Variants in MTA3 observed in about 807,000 individuals in gnomAD.
The protein encoded by MTA3 is metastasis associated 1 family member 3.
A neutral mutation model predicts 83.5 loss-of-function variants in MTA3; 34 were observed. That is an observed-to-expected ratio of 0.41 (90% confidence interval 0.31 to 0.54). The LOEUF (loss-of-function observed/expected upper bound fraction) is 0.54. Ranked by LOEUF, MTA3 falls within the 20% of genes least tolerant of loss-of-function variation. The pLI is 0.33. For missense variants in MTA3, 761 were observed against 726.4 expected, an observed-to-expected ratio of 1.05 and a Z score of -0.55; for synonymous variants, 303 against 252.7, an observed-to-expected ratio of 1.20 and a Z score of -1.89.
chr2:42,685,515 C>T (rs1403021845), intron 9 of MTA3, among the ~76,000 whole-genome samples: 1 of 152,220 alleles, frequency 6.6e-6, no homozygotes, highest in South Asian at 2.1e-4. Flanking sequence ...CGTGCTGTCT[C>T]TCCCTTGAAC....
intron 2 of MTA3, among the ~76,000 whole-genome samples, chr2:42,514,132 G>A (rs1285864927): frequency 6.6e-6 from 1 of 152,124 alleles, no homozygotes; most frequent in Admixed American, 6.6e-5. Flanking sequence ...AGAATCACTT[G>A]AACCTGGGAG....
chr2:42,697,429 G>A (rs1558593518), intron 10 of MTA3, among the ~76,000 whole-genome samples: 1 of 152,124 alleles, frequency 6.6e-6, no homozygotes, highest in Non-Finnish European at 1.5e-5. Flanking sequence ...CTTCTAGAGA[G>A]GCAAATAAGT....
At chr2:42,622,889 A>C (rs1315772466) in intron 4 of MTA3, among the ~76,000 whole-genome samples, 1 of 152,202 alleles carries the variant, frequency 6.6e-6, no homozygotes. Flanking sequence ...TGCTTATATC[A>C]TTAGATTGGA....
In MTA3 at chr2:42,754,714, G is replaced by T; in HGVS notation, c.*1315G>T. Reference sequence around the variant, plus strand: ...GGGGTTACTAGGAGGCAGCTGGATGGCAGATACGAGAGGCCCAAATAGCCA... The same window carrying T: ...GGGGTTACTAGGAGGCAGCTGGATGTCAGATACGAGAGGCCCAAATAGCCA... On this transcript the variant is annotated 3_prime_UTR_variant, in exon 17 of 17. Coordinates refer to ENST00000405094, the MANE Select transcript of MTA3 (RefSeq NM_001330442.2). 5.1e-6 allele frequency: 5 copies of T among 985,524 alleles called. No homozygotes were observed. Among genetic ancestry groups the T allele is most frequent in the Non-Finnish European group, 6.0e-6 (5 of 829,972 alleles). 61.0% of individuals were successfully genotyped at this position (985,524 alleles called of 1,614,324 possible). A position where few individuals can be genotyped will look rare whatever the true frequency, so the allele number is the denominator to read the frequency against.
At chr2:42,540,782 CT>C (rs1676483360) in intron 2 of MTA3, among the ~76,000 whole-genome samples, 1 of 150,760 alleles carries the variant, frequency 6.6e-6, no homozygotes, top group Non-Finnish European at 1.5e-5. Flanking sequence ...TTGCAGTGAG[CT>C]GTGATCGTGC....
At chr2:42,587,512 T>A (rs1340270791) in intron 3 of MTA3, among the ~76,000 whole-genome samples, 2 of 152,240 alleles carry the variant, frequency 1.3e-5, no homozygotes, top group Non-Finnish European at 2.9e-5. Flanking sequence ...ACACACGTTC[T>A]TTCCTTTGCA....
chr2:42,656,536 A>G (rs1306156446), intron 7 of MTA3, among the ~76,000 whole-genome samples: 2 of 152,224 alleles, frequency 1.3e-5, no homozygotes, highest in Non-Finnish European at 2.9e-5. Context: ...AAGTATAAAG[A>G]AGAAATTCTT....
chr2:42,642,709 A>G (rs945850204), intron 5 of MTA3, among the ~76,000 whole-genome samples: 5 of 150,796 alleles, frequency 3.3e-5, no homozygotes, highest in South Asian at 2.1e-4. Context: ...CAATGGTGCA[A>G]TCTTGGCTCA....
At chr2:42,676,938 TGA>T (rs1486213351) in intron 8 of MTA3, among the ~76,000 whole-genome samples, 2 of 152,204 alleles carry the variant, frequency 1.3e-5, no homozygotes, top group Non-Finnish European at 2.9e-5. Context: ...TTCATTTTCA[TGA>T]GGTTAGTTAT....
At chr2:42,527,202 C>G (rs1675756052) in intron 2 of MTA3, among the ~76,000 whole-genome samples, 1 of 152,014 alleles carries the variant, frequency 6.6e-6, no homozygotes, top group African/African-American at 2.4e-5. Context: ...CTCAACTGAA[C>G]CAACCAATCA....
At chr2:42,647,287 A>T (rs1412785825) in intron 6 of MTA3, among the ~76,000 whole-genome samples, 1 of 151,434 alleles carries the variant, frequency 6.6e-6, no homozygotes, top group Non-Finnish European at 1.5e-5. Flanking sequence ...GCAGTGGCAC[A>T]ATCTTGGCTC....
At chr2:42,714,695 G>A (rs1312991294) in intron 14 of MTA3, among the ~76,000 whole-genome samples, 2 of 152,168 alleles carry the variant, frequency 1.3e-5, no homozygotes, top group Admixed American at 6.6e-5. Flanking sequence ...CAGGTTTCAT[G>A]GAAGACAATT....
chr2:42,717,565 G>C (rs936210151), intron 14 of MTA3, among the ~76,000 whole-genome samples: 2 of 152,078 alleles, frequency 1.3e-5, no homozygotes, highest in Admixed American at 6.5e-5. Flanking sequence ...TCTTACAATA[G>C]GGTATAATGA....
At chr2:42,545,619 C>A (rs768114266) in intron 2 of MTA3, among the ~76,000 whole-genome samples, 1 of 152,024 alleles carries the variant, frequency 6.6e-6, no homozygotes, top group Admixed American at 6.6e-5. Context: ...GGGTATAAGG[C>A]CTACCTCATT....
At chr2:42,523,543 G>A (rs966618578) in intron 2 of MTA3, among the ~76,000 whole-genome samples, 11 of 152,124 alleles carry the variant, frequency 7.2e-5, no homozygotes, top group Non-Finnish European at 1.3e-4. Flanking sequence ...CGACCTAGAC[G>A]CTCATCTCAG....
chr2:42,505,218 C>A (rs558321683), intron 2 of MTA3, among the ~76,000 whole-genome samples: 1 of 152,010 alleles, frequency 6.6e-6, no homozygotes, highest in African/African-American at 2.4e-5. Context: ...CAGTGAAACT[C>A]TATCTCTACT....
intron 2 of MTA3, among the ~76,000 whole-genome samples, chr2:42,577,725 C>T (rs997822088): frequency 5.3e-5 from 8 of 152,076 alleles, no homozygotes; most frequent in Admixed American, 2.0e-4. Context: ...GTGATCTGCC[C>T]ACCTTGGACT....
intron 2 of MTA3, among the ~76,000 whole-genome samples, chr2:42,545,320 G>A (rs538398878): frequency 1.3e-5 from 2 of 152,276 alleles, no homozygotes; most frequent in East Asian, 1.9e-4. Context: ...TGAGGCTGCA[G>A]TGAGCCGTGA....
chr2:42,501,069 C>G (rs918009921), intron 2 of MTA3, among the ~76,000 whole-genome samples: 16 of 152,088 alleles, frequency 1.1e-4, no homozygotes, highest in African/African-American at 3.6e-4. Flanking sequence ...CTCCGCCTCC[C>G]AAAGTGCTGG....
Sources: gnomAD v4.1 joint callset for allele counts (sites outside exome capture counted in the v4.1 genomes callset) on GRCh38, gnomAD v4.1.1 for gene constraint, MANE v1.5 for transcripts, NCBI Gene and HGNC (gene_info 2026-07-23, HGNC 2026-07-21) for gene names.